Variants in MACROD2 observed in about 807,000 individuals in gnomAD.
The protein encoded by MACROD2 is ADP-ribose glycohydrolase MACROD2.
In MACROD2, 36 loss-of-function variants were observed where a neutral mutation model predicts 70.4. That is an observed-to-expected ratio of 0.51 (90% CI 0.39 to 0.68). The LOEUF (loss-of-function observed/expected upper bound fraction) is 0.68, where lower values mean the gene tolerates loss of function less well. Among genes scored for constraint, MACROD2 ranks in the 30% least tolerant of loss-of-function variants. The probability of loss-of-function intolerance (pLI) is 0.00; values close to 1 mark genes in which losing one functional copy is unlikely to be tolerated. For synonymous variants in MACROD2, 172 were observed against 178.8 expected, an observed-to-expected ratio of 0.96 and a Z score of 0.30; for missense variants, 496 against 538.4, an observed-to-expected ratio of 0.92 and a Z score of 0.78.
chr20:15,880,085 T>C (rs1259795571), intron 9 of MACROD2, among the ~76,000 whole-genome samples: 1 of 152,060 alleles, frequency 6.6e-6, no homozygotes, highest in Admixed American at 6.6e-5. Context: ...GTCTGCTCCG[T>C]ACCCATTCAA....
At chr20:14,654,614 G>A (rs1985873194) in intron 4 of MACROD2, among the ~76,000 whole-genome samples, 1 of 151,860 alleles carries the variant, frequency 6.6e-6, no homozygotes. Flanking sequence ...GGTTCAACAA[G>A]TGAATTTGGG....
intron 3 of MACROD2, among the ~76,000 whole-genome samples, chr20:14,465,312 T>C (rs527517133): frequency 6.6e-6 from 1 of 152,094 alleles, no homozygotes; most frequent in Non-Finnish European, 1.5e-5. Context: ...TCTCTTTTGA[T>C]GTTTGTTGGT....
chr20:15,973,012 T>C (rs1204167771), intron 13 of MACROD2, among the ~76,000 whole-genome samples: 2 of 152,036 alleles, frequency 1.3e-5, no homozygotes, highest in Non-Finnish European at 2.9e-5. Context: ...GTTTAGGTGA[T>C]AAAATGATAA....
rs1402255423 is a variant in MACROD2, at chr20:14,791,303, C to T, written c.418+106344C>T. Among the ~76,000 whole-genome samples the T allele has an allele frequency of 6.6e-5, 10 of 152,210 alleles. 1 individual carries two copies. The highest frequency in any genetic ancestry group is 4.1e-4 in the South Asian group (2 of 4,830). On this transcript the variant is annotated intron_variant, in intron 5 of 17. Coordinates refer to ENST00000684519, the MANE Select transcript of MACROD2 (RefSeq NM_001351661.2). ...GAAATGTATCACATCTGTGCTCCAA[C>T]GATCCCTGTGTCTGCAGAGTGCTTC...
intron 5 of MACROD2, among the ~76,000 whole-genome samples, chr20:14,844,884 G>A (rs1000179022): frequency 6.6e-6 from 1 of 151,974 alleles, no homozygotes; most frequent in East Asian, 1.9e-4. Context: ...CTTCTTAAAC[G>A]TATCTCCCTT....
At chr20:15,172,975 A>G (rs113182615) in intron 5 of MACROD2, among the ~76,000 whole-genome samples, 9 of 152,328 alleles carry the variant, frequency 5.9e-5, no homozygotes, top group African/African-American at 2.2e-4. Flanking sequence ...CATAAAAACC[A>G]TTCAAAATGA....
At chr20:15,677,694 ACCAACCAACC>A (rs1237838048) in intron 8 of MACROD2, among the ~76,000 whole-genome samples, 3,821 of 24,238 alleles carry the variant, frequency 0.16, 155 homozygotes, top group African/African-American at 0.4. Flanking sequence ...CAACCAACCA[ACCAACCAACC>A]AAATACATCC....
At chr20:15,437,577 G>GC (rs1339724038) in intron 7 of MACROD2, among the ~76,000 whole-genome samples, 2 of 152,272 alleles carry the variant, frequency 1.3e-5, no homozygotes, top group East Asian at 3.9e-4. Context: ...ACAAGGGTTT[G>GC]CTATACAGAT....
At chr20:15,916,167 C>T in intron 10 of MACROD2, among the ~76,000 whole-genome samples, 1 of 152,128 alleles carries the variant, frequency 6.6e-6, no homozygotes, top group Middle Eastern at 3.2e-3. Flanking sequence ...CCCCCTACCC[C>T]ACCACCCACC....
intron 5 of MACROD2, among the ~76,000 whole-genome samples, chr20:14,862,653 A>ATTTTTTTT (rs1568841558): frequency 3.8e-5 from 2 of 52,900 alleles, no homozygotes; most frequent in Non-Finnish European, 6.9e-5. Flanking sequence ...ATATATATAT[A>ATTTTTTTT]TAAATATATA....
chr20:15,464,239 C>A (rs1010794125), intron 7 of MACROD2, among the ~76,000 whole-genome samples: 6 of 152,054 alleles, frequency 3.9e-5, no homozygotes, highest in Non-Finnish European at 7.4e-5. Context: ...TAGTCTTGAG[C>A]TCCTGGGTTC....
intron 8 of MACROD2, among the ~76,000 whole-genome samples, chr20:15,645,014 A>G (rs901181222): frequency 6.6e-6 from 1 of 152,126 alleles, no homozygotes; most frequent in Admixed American, 6.6e-5. Context: ...AAGTAAATCC[A>G]GAATTTGACT....
intron 6 of MACROD2, among the ~76,000 whole-genome samples, chr20:15,336,692 C>T (rs548405149): frequency 1.1e-4 from 17 of 151,806 alleles, no homozygotes; most frequent in Admixed American, 3.9e-4. Context: ...TCTAAAAGTG[C>T]GTGTGTGGCC....
intron 3 of MACROD2, among the ~76,000 whole-genome samples, chr20:14,346,259 A>G (rs1239625377): frequency 6.6e-6 from 1 of 152,174 alleles, no homozygotes; most frequent in Non-Finnish European, 1.5e-5. Context: ...TTTAATCCAT[A>G]TGAATAGCAA....
chr20:15,978,649 G>C (rs1601257039), intron 13 of MACROD2, among the ~76,000 whole-genome samples: 1 of 149,778 alleles, frequency 6.7e-6, no homozygotes, highest in East Asian at 1.9e-4. Flanking sequence ...ACAACTTTGA[G>C]TGGCAATGGG....
At chr20:15,389,333 TGTGAAGAAGGAGAAGGAAGA>T (rs1486481091) in intron 6 of MACROD2, among the ~76,000 whole-genome samples, 1 of 151,974 alleles carries the variant, frequency 6.6e-6, no homozygotes, top group Non-Finnish European at 1.5e-5. Context: ...TGATCCTATG[TGTGAAGAAGGAGAAGGAAGA>T]GTGAAGAAGG....
chr20:14,651,155 T>C (rs1486072180), intron 4 of MACROD2, among the ~76,000 whole-genome samples: 1 of 152,204 alleles, frequency 6.6e-6, no homozygotes, highest in Admixed American at 6.5e-5. Flanking sequence ...GTATTACTCA[T>C]TATGCACTGT....
chr20:14,961,388 A>C (rs541988035), intron 5 of MACROD2, among the ~76,000 whole-genome samples: 2 of 152,286 alleles, frequency 1.3e-5, no homozygotes, highest in African/African-American at 4.8e-5. Flanking sequence ...GCAGAATCAA[A>C]ATAGAACTCA....
intron 3 of MACROD2, among the ~76,000 whole-genome samples, chr20:14,276,379 A>G (rs1320436853): frequency 6.7e-6 from 1 of 148,818 alleles, no homozygotes; most frequent in African/African-American, 2.5e-5. Flanking sequence ...TTGCAAGGAC[A>G]AAAAACCAAA....
Sources: gnomAD v4.1 joint callset for allele counts (sites outside exome capture counted in the v4.1 genomes callset) on GRCh38, gnomAD v4.1.1 for gene constraint, MANE v1.5 for transcripts, NCBI Gene and HGNC (gene_info 2026-07-23, HGNC 2026-07-21) for gene names.